Variants in SEMA6D observed in about 807,000 individuals in gnomAD.
SEMA6D encodes semaphorin-6D.
In SEMA6D, 35 loss-of-function variants were observed where a neutral mutation model predicts 106.6. The ratio of observed to expected loss-of-function variants is 0.33; its 90% CI spans 0.25 to 0.44. The LOEUF (loss-of-function observed/expected upper bound fraction) is 0.44. Ranked by LOEUF, SEMA6D falls within the 20% of genes least tolerant of loss-of-function variation. SEMA6D has a pLI of 1.00. For synonymous variants in SEMA6D, 499 were observed against 487.7 expected (o/e 1.02, Z -0.31); for missense variants, 1,185 against 1,345.9 (o/e 0.88, Z 1.87).
chr15:47,648,022 G>A (rs999567480), intron 4 of SEMA6D, among the ~76,000 whole-genome samples: 2 of 152,040 alleles, frequency 1.3e-5, no homozygotes, highest in Non-Finnish European at 2.9e-5. Context: ...CTTACTTGAG[G>A]ATACAAAACA....
chr15:47,716,964 T>G (rs2079133288), upstream of SEMA6D: 1 of 151,890 alleles, frequency 6.6e-6, no homozygotes, highest in Non-Finnish European at 1.5e-5. Flanking sequence ...TTTGTAAAGA[T>G]GTGCTTAAAA....
chr15:47,491,070 C>A (rs1482693069), intron 3 of SEMA6D, among the ~76,000 whole-genome samples: 1 of 152,120 alleles, frequency 6.6e-6, no homozygotes, highest in African/African-American at 2.4e-5. Flanking sequence ...CATTCACATA[C>A]CCTATGATCT....
intron 1 of SEMA6D, among the ~76,000 whole-genome samples, chr15:47,260,207 G>A (rs1172176825): frequency 2.0e-5 from 3 of 151,978 alleles, no homozygotes; most frequent in Non-Finnish European, 4.4e-5. Context: ...CTGTGTCAGT[G>A]CTTGCCTTTT....
At chr15:47,496,982 C>T (rs2043686008) in intron 3 of SEMA6D, among the ~76,000 whole-genome samples, 1 of 152,008 alleles carries the variant, frequency 6.6e-6, no homozygotes, top group Non-Finnish European at 1.5e-5. Context: ...TTGTGCCAGC[C>T]AAAATCTCAA....
chr15:47,549,692 C>G (rs2045625442), intron 3 of SEMA6D, among the ~76,000 whole-genome samples: 1 of 152,048 alleles, frequency 6.6e-6, no homozygotes, highest in Non-Finnish European at 1.5e-5. Flanking sequence ...TCTAGGTCTA[C>G]TAACCACTAA....
intron 3 of SEMA6D, among the ~76,000 whole-genome samples, chr15:47,599,585 A>G (rs1311509517): frequency 6.6e-6 from 1 of 152,164 alleles, no homozygotes; most frequent in African/African-American, 2.4e-5. Context: ...ACCAGTGCAC[A>G]TATGATAACT....
chr15:47,511,169 G>A (rs893441407), intron 3 of SEMA6D, among the ~76,000 whole-genome samples: 2 of 152,224 alleles, frequency 1.3e-5, no homozygotes, highest in African/African-American at 4.8e-5. Flanking sequence ...TCTTTTTTCA[G>A]AGCAGCTTTG....
At position 47,284,220 on chromosome 15, in the gene SEMA6D, G is replaced by T. The variant is rs556542922; in HGVS notation, c.-239+99802G>T. On this transcript the variant is annotated intron_variant, in intron 1 of 19. Transcript: ENST00000558014. The stretch of plus-strand genomic sequence containing the variant: ...TAGATGTGAAGATGTTTGAACATCT[G>T]CCAGAAGATGTGCTTGAACCTATTG... Among the ~76,000 whole-genome samples the T allele has an allele frequency of 1.2e-4, 18 of 152,310 alleles. No individual in the cohort carries two copies. The South Asian group carries it at 2.5e-3, about 21-fold the overall frequency.
intron 1 of SEMA6D, among the ~76,000 whole-genome samples, chr15:47,316,088 A>C: frequency 2.5e-5 from 1 of 39,284 alleles, no homozygotes; most frequent in Non-Finnish European, 5.0e-5. Context: ...CCCAATCAGT[A>C]TGCCATTTAT....
intron 1 of SEMA6D, among the ~76,000 whole-genome samples, chr15:47,205,966 C>G (rs893641457): frequency 1.3e-5 from 2 of 152,096 alleles, no homozygotes; most frequent in African/African-American, 4.8e-5. Context: ...CTAAAATTAT[C>G]CCATTTTAAT....
chr15:47,502,852 C>G (rs2043899785), intron 3 of SEMA6D, among the ~76,000 whole-genome samples: 1 of 152,188 alleles, frequency 6.6e-6, no homozygotes, highest in Non-Finnish European at 1.5e-5. Flanking sequence ...AACATGTTCT[C>G]ACTGTGATGT....
At chr15:47,717,832 CTGTGTGTGTGTGTGTG>C (rs71118194) in intron 1 of SEMA6D, 140 bp downstream of exon 1, 180 of 99,246 alleles carry the variant, frequency 1.8e-3, no homozygotes, top group Middle Eastern at 9.3e-3. Context: ...TCCCGAATCG[CTGTGTGTGTGTGTGTG>C]TGTGTGTGTG....
chr15:47,281,738 G>A (rs1028121326), intron 1 of SEMA6D, among the ~76,000 whole-genome samples: 2 of 151,870 alleles, frequency 1.3e-5, no homozygotes, highest in Non-Finnish European at 2.9e-5. Context: ...TATTTTCGAT[G>A]GAAAACCAAA....
chr15:47,318,516 T>C (rs1006863841), intron 1 of SEMA6D, among the ~76,000 whole-genome samples: 3 of 148,222 alleles, frequency 2.0e-5, no homozygotes, highest in Non-Finnish European at 4.5e-5. Flanking sequence ...GAATATGCGA[T>C]GTTTGGTTTT....
intron 3 of SEMA6D, among the ~76,000 whole-genome samples, chr15:47,488,901 G>T (rs922681942): frequency 1.3e-5 from 2 of 152,188 alleles, no homozygotes; most frequent in Non-Finnish European, 2.9e-5. Context: ...ACGGTGAAGA[G>T]TAGAGAGTAA....
chr15:47,460,615 A>G (rs977457982), intron 2 of SEMA6D, among the ~76,000 whole-genome samples: 1 of 152,098 alleles, frequency 6.6e-6, no homozygotes, highest in Non-Finnish European at 1.5e-5. Context: ...TGTTAATGTA[A>G]TTGTGAATGT....
chr15:47,705,143 T>TG (rs1175690389), intron 4 of SEMA6D, among the ~76,000 whole-genome samples: 3 of 152,110 alleles, frequency 2.0e-5, no homozygotes, highest in Non-Finnish European at 4.4e-5. Context: ...GAAGCACCTA[T>TG]GGGACACAGC....
intron 1 of SEMA6D, among the ~76,000 whole-genome samples, chr15:47,349,836 C>T (rs1220536803): frequency 6.6e-6 from 1 of 152,136 alleles, no homozygotes; most frequent in Non-Finnish European, 1.5e-5. Context: ...GTTATTACTA[C>T]ATGGAGATAA....
Position 47,761,833 on chromosome 15 carries a change from ATAAC to A in SEMA6D, c.538+84_538+87del, listed in dbSNP as rs1284703008. 9.6e-6 allele frequency: 11 copies of A among 1,147,242 alleles called. No homozygotes were observed. In the Admixed American group the frequency reaches 2.4e-4, roughly 25 times the overall value. The allele number at this position is 1,147,242 out of a possible 1,614,324, so 71.1% of individuals were successfully genotyped here. A position where few individuals can be genotyped will look rare whatever the true frequency, so the allele number is the denominator to read the frequency against. On this transcript the variant is annotated intron_variant, in intron 7 of 18. Coordinates refer to ENST00000536845, the MANE Select transcript of SEMA6D (RefSeq NM_001358351.3). Reference sequence around the variant, plus strand: ...GAATTTAATGGAAGAGTAAAAGTTAATAACTTGGATACCCACCTTGATCTAAGTG... The same window carrying A: ...GAATTTAATGGAAGAGTAAAAGTTAATTGGATACCCACCTTGATCTAAGTG...
Sources: allele counts gnomAD v4.1 joint callset (sites outside exome capture counted in the v4.1 genomes callset), GRCh38; gene constraint gnomAD v4.1.1; transcripts MANE v1.5; gene names NCBI Gene and HGNC (gene_info 2026-07-23, HGNC 2026-07-21).